Variants in CPT2 observed in about 807,000 individuals in gnomAD.
CPT2 encodes carnitine palmitoyltransferase 2.
CPT2 carries 37 observed loss-of-function variants against 48.6 expected under a neutral mutation model. That is an observed-to-expected ratio of 0.76 (90% CI 0.59 to 1.00). The LOEUF (loss-of-function observed/expected upper bound fraction) is 1.00. CPT2 is among the 50% of genes least tolerant of loss of function. The pLI is 0.00. For missense variants in CPT2, 772 were observed against 825.6 expected (o/e 0.94, Z 0.80); for synonymous variants, 319 against 326.9 (o/e 0.98, Z 0.26).
At chr1:53,209,889 G>C in intron 3 of CPT2, 126 bp from the exon 4 acceptor site, 1 of 763,370 alleles carries the variant, frequency 1.3e-6, no homozygotes, top group Non-Finnish European at 2.2e-6. Context: ...AAACATTCAG[G>C]GAATTCTTCT....
Position 53,210,438 on chromosome 1 carries a change from A to G in CPT2, c.764A>G (p.Asp255Gly), listed in dbSNP as rs199673903. 4 of 1,614,130 alleles carry G rather than the reference A, an allele frequency of 2.5e-6. No homozygotes were observed. The highest frequency in any genetic ancestry group is 3.4e-6 in the Non-Finnish European group (4 of 1,180,038). The change falls in exon 4 of 5, where the codon GAT becomes GGT. Residue 255 changes from aspartate to glycine, a missense_variant. Transcript: ENST00000371486. ...AGGAAAGGAAATTTTTATATCTTTG[A>G]TGTCCTGGATCAAGATGGGAACATT... is the stretch of plus-strand genomic sequence containing the variant. ...VLRKGNFYIF[D>G]VLDQDGNIVS...
At chr1:53,198,013 C>G (rs570060959) in intron 1 of CPT2, among the ~76,000 whole-genome samples, 1 of 152,190 alleles carries the variant, frequency 6.6e-6, no homozygotes, top group Non-Finnish European at 1.5e-5. Context: ...TTCCCTCCCC[C>G]AGTACTTTCT....
At position 53,197,086 on chromosome 1, in the gene CPT2, G is replaced by C. The variant is rs1250983045; in HGVS notation, c.143G>C (p.Ser48Thr). The change falls in exon 1 of 5, where the codon AGC (serine) becomes ACC (threonine). Residue 48 changes from serine (S) to threonine (T), a missense_variant. Transcript: ENST00000371486. ...SIVPTMHYQD[S>T]LPRLPIPKLE... ...GTGCCCACCATGCACTACCAGGACA[G>C]CCTGCCCAGGTGAGCCTGGCCTCCG... 6.5e-7 allele frequency: 1 copy of C among 1,538,646 alleles called. No homozygotes were observed. The highest frequency in any genetic ancestry group is 8.7e-7 in the Non-Finnish European group (1 of 1,146,506).
At chr1:53,211,957 A>T (rs1023630093) in intron 4 of CPT2, among the ~76,000 whole-genome samples, 15 of 151,740 alleles carry the variant, frequency 9.9e-5, no homozygotes, top group Non-Finnish European at 1.8e-4. Context: ...CAGTGGTGCA[A>T]TCATGGCTCA....
intron 1 of CPT2, chr1:53,197,532 G>T: frequency 3.7e-6 from 1 of 273,410 alleles, no homozygotes; most frequent in Non-Finnish European, 7.2e-6. Flanking sequence ...AATACATCAT[G>T]GTTACCATTC....
chr1:53,207,971 T>G (rs1224783849), intron 3 of CPT2: 1 of 152,200 alleles, frequency 6.6e-6, no homozygotes, highest in Non-Finnish European at 1.5e-5. Context: ...CTTTCTTGAG[T>G]CTGCTTTAGT....
chr1:53,208,069 G>A (rs886314834), intron 3 of CPT2: 1 of 152,080 alleles, frequency 6.6e-6, no homozygotes, highest in African/African-American at 2.4e-5. Flanking sequence ...ATGTCTCTTT[G>A]AAATTCTTTT....
rs1557719450 is a variant in CPT2 at position 53,213,283 on chromosome 1, C to G, written c.1665C>G (p.His555Gln). 8 of 1,614,210 alleles carry G rather than the reference C, an allele frequency of 5.0e-6. No individual in the cohort carries two copies. The highest frequency in any genetic ancestry group is 1.3e-5 in the African/African-American group (1 of 75,056). The change falls in exon 5 of 5, where the codon CAC becomes CAG. Residue 555 changes from histidine to glutamine, a missense_variant. His to Gln is a conservative substitution (Grantham distance 24). Transcript: ENST00000371486. ...TCACAGGCCAGGGCTTTGACCGACA[C>G]TTGTTTGCTCTGCGGCATCTGGCAG... The part of the protein sequence containing the change: ...EAAMGQGFDR[H>Q]LFALRHLAAA...
At chr1:53,211,600 CTTTTTTT>C (rs112026378) in intron 4 of CPT2, 1,087 of 372,508 alleles carry the variant, frequency 2.9e-3, no homozygotes, top group East Asian at 6.3e-3. Flanking sequence ...TTTTTTCTTT[CTTTTTTT>C]TTTTTTTTTT....
chr1:53,211,596 CTTT>C, intron 4 of CPT2: 1 of 438,928 alleles, frequency 2.3e-6, no homozygotes, highest in African/African-American at 2.1e-5. Context: ...ATTCTTTTTT[CTTT>C]CTTTTTTTTT....
chr1:53,210,122 AC>A lies in CPT2; in HGVS notation c.451del (p.Arg151GlyfsTer5). 6.2e-7 allele frequency: 1 copy of A among 1,614,062 alleles called. No individual in the cohort carries two copies. The highest frequency in any genetic ancestry group is 8.5e-7 in the Non-Finnish European group (1 of 1,179,990). ...AAAATCTGAGTATAATGACCAGCTC[AC>A]CCGGGCAACCAACATGACTGTTTCT... ...DPKSEYNDQLTRATNMTVSAI... is the reference protein window; with the variant it reads ...DPKSEYNDQLXRATNMTVSAI... On this transcript the variant is annotated frameshift_variant, in exon 4 of 5. Coordinates refer to ENST00000371486, the MANE Select transcript of CPT2 (RefSeq NM_000098.3). LOFTEE classifies it high-confidence loss of function.
chr1:53,203,841 G>A (rs759423886), intron 3 of CPT2: 5 of 150,932 alleles, frequency 3.3e-5, no homozygotes, highest in Non-Finnish European at 5.9e-5. Context: ...ACAGAATATG[G>A]GAAGCAAAAA....
At chr1:53,205,896 C>T (rs1260747560) in intron 3 of CPT2, among the ~76,000 whole-genome samples, 5 of 152,200 alleles carry the variant, frequency 3.3e-5, no homozygotes, top group African/African-American at 7.2e-5. Flanking sequence ...TTGAAAACCT[C>T]GTCCGGCCGG....
At chr1:53,202,868 G>C (rs1199810121) in intron 3 of CPT2, 3 of 183,504 alleles carry the variant, frequency 1.6e-5, no homozygotes, top group African/African-American at 7.0e-5. Flanking sequence ...TATCCATGCT[G>C]TTCCCACTAC....
intron 1 of CPT2, 169 bp from the exon 2 acceptor site, chr1:53,200,550 T>C: frequency 3.1e-6 from 2 of 643,688 alleles, no homozygotes; most frequent in South Asian, 3.4e-5. Flanking sequence ...AGAGTTACCA[T>C]TGATATACTT....
At chr1:53,199,432 T>C (rs1645342470) in intron 1 of CPT2, among the ~76,000 whole-genome samples, 1 of 152,210 alleles carries the variant, frequency 6.6e-6, no homozygotes, top group Admixed American at 6.5e-5. Flanking sequence ...TCGAGCAATC[T>C]GCCTGCCTCG....
At chr1:53,199,374 G>A (rs1645342123) in intron 1 of CPT2, among the ~76,000 whole-genome samples, 1 of 152,138 alleles carries the variant, frequency 6.6e-6, no homozygotes, top group African/African-American at 2.4e-5. Context: ...ATCTTTTATA[G>A]AGACAGGGTT....
In CPT2 at chr1:53,197,010, C is replaced by T. The variant is rs1329055231; in HGVS notation, c.67C>T (p.Arg23Trp). The change falls in exon 1 of 5, where the codon CGG becomes TGG. Residue 23 changes from arginine to tryptophan, a missense_variant. Coordinates refer to ENST00000371486, the MANE Select transcript of CPT2 (RefSeq NM_000098.3). ...GPAVGPGAPSRPLSAGSGPGQ... is the reference protein window; with the variant it reads ...GPAVGPGAPSWPLSAGSGPGQ... ...CGCGGTTGGTCCGGGAGCCCCCAGTCGGCCCCTCAGCGCCGGCTCCGGGCC... is the reference window on the plus strand; with the variant it reads ...CGCGGTTGGTCCGGGAGCCCCCAGTTGGCCCCTCAGCGCCGGCTCCGGGCC... 1 of 1,533,588 alleles carries T rather than the reference C, an allele frequency of 6.5e-7. No individual in the cohort carries two copies. The allele number at this position is 1,533,588 out of a possible 1,614,324, so 95.0% of individuals were successfully genotyped here.
At chr1:53,201,160 G>A (rs115668454) in intron 2 of CPT2, 338 of 320,862 alleles carry the variant, frequency 1.1e-3, no homozygotes, top group Non-Finnish European at 1.5e-3. Context: ...AGTCTGCATC[G>A]TGAGCATGTT....
Sources: gnomAD v4.1 joint callset for allele counts (sites outside exome capture counted in the v4.1 genomes callset) on GRCh38, gnomAD v4.1.1 for gene constraint, MANE v1.5 for transcripts, NCBI Gene and HGNC (gene_info 2026-07-23, HGNC 2026-07-21) for gene names.